NIT2: variants seen among roughly 807,000 people sequenced by gnomAD.
The protein encoded by NIT2 is nitrilase family member 2, also known as omega-amidase NIT2.
A neutral mutation model predicts 42.7 loss-of-function variants in NIT2; 46 were observed. That is an observed-to-expected ratio of 1.08 (90% confidence interval 0.85 to 1.38). The LOEUF (loss-of-function observed/expected upper bound fraction) is 1.38. Among genes scored for constraint, NIT2 ranks in the 40% most tolerant of loss-of-function variants. The probability of loss-of-function intolerance (pLI) is 0.00; values close to 1 mark genes in which losing one functional copy is unlikely to be tolerated. For missense variants in NIT2, 309 were observed against 342.5 expected (o/e 0.90, Z 0.77); for synonymous variants, 123 against 121.9 (o/e 1.01, Z -0.06).
At chr3:100,351,270 T>C (rs1222441933) in intron 7 of NIT2, among the ~76,000 whole-genome samples, 3 of 152,194 alleles carry the variant, frequency 2.0e-5, no homozygotes, top group Non-Finnish European at 4.4e-5. Flanking sequence ...AAAGTTCATA[T>C]GGAACCAAAA....
chr3:100,357,637 CT>C lies in NIT2; in HGVS notation c.*2391del, dbSNP rs869283536. ...GGTGGATGCTAAACTTTTTACATTT[CT>C]TTTTTTTTTTTTTTTTTTTTTGAGA... On this transcript the variant is annotated 3_prime_UTR_variant, in exon 10 of 10. Coordinates refer to ENST00000394140, the MANE Select transcript of NIT2 (RefSeq NM_020202.5). The C allele has an allele frequency of 7.1e-3, 847 of 118,802 alleles. 2 individuals carry two copies. The highest frequency in any genetic ancestry group is 0.021 in the African/African-American group (684 of 32,394). The allele number at this position is 118,802 out of a possible 1,614,324, so 7.4% of individuals were successfully genotyped here.
intron 7 of NIT2, chr3:100,349,086 C>A (rs1440514346): frequency 1.1e-5 from 5 of 443,924 alleles, no homozygotes; most frequent in Non-Finnish European, 1.6e-5. Context: ...CAATACCAAC[C>A]TCATGGATTT....
In NIT2 at chr3:100,359,011, A is replaced by G. The variant is rs929889493; in HGVS notation, c.*3743A>G. On this transcript the variant is annotated 3_prime_UTR_variant, in exon 10 of 10. Transcript: ENST00000394140. ...TGTGTGTGACAGTTTCACATTTCCT[A>G]TCAAATTATTATCTTCATTCATTTC... 4 of 152,176 alleles carry G rather than the reference A, an allele frequency of 2.6e-5. No individual in the cohort carries two copies. Among genetic ancestry groups the G allele is most frequent in the Non-Finnish European group, 4.4e-5 (3 of 68,028 alleles). The allele number at this position is 152,176 out of a possible 1,614,324, so 9.4% of individuals were successfully genotyped here. A position where few individuals can be genotyped will look rare whatever the true frequency, so the allele number is the denominator to read the frequency against.
At chr3:100,349,702 G>A (rs1706255251) in intron 7 of NIT2, 1 of 152,294 alleles carries the variant, frequency 6.6e-6, no homozygotes, top group African/African-American at 2.4e-5. Context: ...CTAGTCCTGA[G>A]GGTACTGTGC....
rs1223268865 is a variant in NIT2, at chr3:100,358,322, G to C, written c.*3054G>C. The C allele has an allele frequency of 6.6e-6, 1 of 152,220 alleles. No homozygotes were observed. The highest frequency in any genetic ancestry group is 1.5e-5 in the Non-Finnish European group (1 of 68,044). 9.4% of individuals were successfully genotyped at this position (152,220 alleles called of 1,614,324 possible). A position where few individuals can be genotyped will look rare whatever the true frequency, so the allele number is the denominator to read the frequency against. On this transcript the variant is annotated 3_prime_UTR_variant, in exon 10 of 10. Transcript: ENST00000394140. ...CACTAGATTCCCACTTGGAGTGGAAGAACATTGCAGTTGAGGCCTTGGGTA... is the reference window on the plus strand; with the variant it reads ...CACTAGATTCCCACTTGGAGTGGAACAACATTGCAGTTGAGGCCTTGGGTA...
intron 2 of NIT2, 47 bp downstream of exon 2, chr3:100,339,252 C>A: frequency 8.4e-7 from 1 of 1,191,756 alleles, no homozygotes; most frequent in Non-Finnish European, 1.3e-6. Context: ...TACACCCAAG[C>A]AGAACGGTGT....
rs530517951 is a variant in NIT2, at chr3:100,346,354, C to G, written c.505+99C>G. 25 of 1,025,644 alleles carry G rather than the reference C, an allele frequency of 2.4e-5. No homozygotes were observed. In the East Asian group the frequency reaches 5.7e-4, roughly 24 times the overall value. The allele number at this position is 1,025,644 out of a possible 1,614,324, so 63.5% of individuals were successfully genotyped here. Reference sequence around the variant, plus strand: ...AGTCAAGAAAAGCTGGGAGAGGGCTCTTTAATTTCTCCATCTTCAGCCCTT... The same window carrying G: ...AGTCAAGAAAAGCTGGGAGAGGGCTGTTTAATTTCTCCATCTTCAGCCCTT... On this transcript the variant is annotated intron_variant, in intron 6 of 9. Coordinates refer to ENST00000394140, the MANE Select transcript of NIT2 (RefSeq NM_020202.5).
At position 100,341,179 on chromosome 3, in the gene NIT2, C is replaced by T. The variant is rs1706145920; in HGVS notation, c.336+18C>T. 6.3e-7 allele frequency: 1 copy of T among 1,576,810 alleles called. No individual in the cohort carries two copies. Among genetic ancestry groups the T allele is most frequent in the South Asian group, 1.1e-5 (1 of 90,312 alleles). ...ATAGAAAGGTAAGTAGGAAGTGTGGCATAAGAATTTGTTATCTCTAAGCCA... is the reference window on the plus strand; with the variant it reads ...ATAGAAAGGTAAGTAGGAAGTGTGGTATAAGAATTTGTTATCTCTAAGCCA... On this transcript the variant is annotated intron_variant, in intron 4 of 9. Transcript: ENST00000394140.
At chr3:100,352,348 G>GA in intron 7 of NIT2, 56 bp from the exon 8 acceptor site, 1 of 1,414,036 alleles carries the variant, frequency 7.1e-7, no homozygotes, top group Non-Finnish European at 1.0e-6. Flanking sequence ...ACTTGGGTTA[G>GA]AAAAATGTCA....
Position 100,348,800 on chromosome 3 carries a change from A to G in NIT2, c.506-3A>G, listed in dbSNP as rs1576202389. ...ACTGTTCTTTGGCTTTTCTCTCCCCAAGGCTGCCAGCTGTTGGTATATCCA... is the reference window on the plus strand; with the variant it reads ...ACTGTTCTTTGGCTTTTCTCTCCCCGAGGCTGCCAGCTGTTGGTATATCCA... On this transcript the variant is annotated splice_region_variant and splice_polypyrimidine_tract_variant and intron_variant, in intron 6 of 9. Coordinates refer to ENST00000394140, the MANE Select transcript of NIT2 (RefSeq NM_020202.5). 6.2e-7 allele frequency: 1 copy of G among 1,613,786 alleles called. No homozygotes were observed. Among genetic ancestry groups the G allele is most frequent in the Non-Finnish European group, 8.5e-7 (1 of 1,179,754 alleles).
intron 6 of NIT2, among the ~76,000 whole-genome samples, chr3:100,347,861 G>A (rs1015936407): frequency 5.9e-5 from 9 of 152,024 alleles, no homozygotes; most frequent in Non-Finnish European, 8.8e-5. Flanking sequence ...AGAGTCATGC[G>A]CAAGGAGGTT....
At chr3:100,337,459 A>T (rs893198396) in intron 1 of NIT2, among the ~76,000 whole-genome samples, 87 of 151,958 alleles carry the variant, frequency 5.7e-4, no homozygotes, top group African/African-American at 2.0e-3. Context: ...TTATTTATTT[A>T]TTTATTTTTT....
rs778893860 is a variant in NIT2 at position 100,341,097 on chromosome 3, G to T, written c.272G>T (p.Gly91Val). The T allele has an allele frequency of 1.2e-6, 2 of 1,613,314 alleles. No homozygotes were observed. The highest frequency in any genetic ancestry group is 4.5e-5 in the East Asian group (2 of 44,854). The change falls in exon 4 of 10, where the codon GGG becomes GTG. Residue 91 changes from glycine (G) to valine (V), a missense_variant. Transcript: ENST00000394140. ...IGGSIPEEDA[G>V]KLYNTCAVFG... ...GGCTCTATCCCTGAAGAGGATGCTG[G>T]GAAATTATATAACACCTGTGCTGTG... is the stretch of plus-strand genomic sequence containing the variant.
intron 7 of NIT2, among the ~76,000 whole-genome samples, chr3:100,351,168 T>C (rs1400326884): frequency 2.0e-5 from 3 of 152,196 alleles, no homozygotes; most frequent in African/African-American, 4.8e-5. Flanking sequence ...AATAAACATA[T>C]GTGTGCATGT....
chr3:100,347,634 C>T (rs1158720866), intron 6 of NIT2, among the ~76,000 whole-genome samples: 2 of 152,008 alleles, frequency 1.3e-5, no homozygotes, highest in East Asian at 1.9e-4. Flanking sequence ...CTCTCTATGT[C>T]GCCCAGGCTT....
At chr3:100,341,312 C>T (rs1706148061) in intron 4 of NIT2, 151 bp downstream of exon 4, 1 of 599,496 alleles carries the variant, frequency 1.7e-6, no homozygotes, top group South Asian at 2.2e-5. Context: ...TATTCTTGGC[C>T]ATTTGCATTT....
intron 6 of NIT2, among the ~76,000 whole-genome samples, chr3:100,347,136 C>T (rs541255696): frequency 6.6e-6 from 1 of 152,024 alleles, no homozygotes; most frequent in African/African-American, 2.4e-5. Flanking sequence ...GCTCTTGTCG[C>T]CCAGGCTGGA....
At chr3:100,338,410 G>A (rs1706103705) in intron 1 of NIT2, among the ~76,000 whole-genome samples, 1 of 152,188 alleles carries the variant, frequency 6.6e-6, no homozygotes, top group Non-Finnish European at 1.5e-5. Context: ...CAGACTTTTA[G>A]AGGTGCCTGG....
intron 2 of NIT2, among the ~76,000 whole-genome samples, chr3:100,339,501 T>C (rs1194805028): frequency 6.6e-6 from 1 of 152,236 alleles, no homozygotes; most frequent in Non-Finnish European, 1.5e-5. Context: ...TTGGATACTT[T>C]GTTCCTTATT....
Sources: gnomAD v4.1 joint callset for allele counts (sites outside exome capture counted in the v4.1 genomes callset) on GRCh38, gnomAD v4.1.1 for gene constraint, MANE v1.5 for transcripts, NCBI Gene and HGNC (gene_info 2026-07-23, HGNC 2026-07-21) for gene names.